Variants in C3 observed in about 807,000 individuals in gnomAD.
C3 encodes the protein C3 and PZP-like alpha-2-macroglobulin domain-containing protein 1.
A neutral mutation model predicts 207.9 loss-of-function variants in C3; 97 were observed. The observed-to-expected ratio is 0.47, with a 90% confidence interval of 0.40 to 0.55. The LOEUF (loss-of-function observed/expected upper bound fraction) is 0.55, where lower values mean the gene tolerates loss of function less well. Among genes scored for constraint, C3 ranks in the 20% least tolerant of loss-of-function variants. C3 has a pLI of 0.00. For synonymous variants in C3, 848 were observed against 857.6 expected (o/e 0.99, Z 0.20); for missense variants, 1,684 against 2,171.7 (o/e 0.78, Z 4.46).
At chr19:6,697,266 C>T in intron 21 of C3, 78 bp downstream of exon 21, 2 of 1,093,034 alleles carry the variant, frequency 1.8e-6, no homozygotes, top group Non-Finnish European at 2.8e-6. Flanking sequence ...GAGCCTGGAT[C>T]TCCAACCTGA....
At chr19:6,710,113 GT>G (rs1392987233) in intron 13 of C3, among the ~76,000 whole-genome samples, 1 of 146,242 alleles carries the variant, frequency 6.8e-6, no homozygotes, top group Non-Finnish European at 1.5e-5. Flanking sequence ...GAGAGGGAGA[GT>G]GAGGGGGGAG....
At chr19:6,687,791 T>C (rs927009862) in intron 27 of C3, among the ~76,000 whole-genome samples, 1 of 152,162 alleles carries the variant, frequency 6.6e-6, no homozygotes, top group Non-Finnish European at 1.5e-5. Flanking sequence ...TTGTGTTTAA[T>C]ATAATTTATT....
At chr19:6,718,455 C>T (rs1968091238) in intron 2 of C3, 43 bp from the exon 3 acceptor site, 2 of 1,610,304 alleles carry the variant, frequency 1.2e-6, no homozygotes, top group Middle Eastern at 1.6e-4. Context: ...TTCCAAGGCC[C>T]CATGCCCACG....
Position 6,718,232 on chromosome 19 carries a change from C to T in C3, c.433+15G>A. 5.6e-6 allele frequency: 9 copies of T among 1,614,144 alleles called. No individual in the cohort carries two copies. Among genetic ancestry groups the T allele is most frequent in the African/African-American group, 2.7e-5 (2 of 75,026 alleles). ...ACGCCGGTGCCCCGCCCTCTCCAGC[C>T]GCCCCCAGCCTCACCTGTGGAGCCA... On this transcript the variant is annotated intron_variant, in intron 3 of 40. Transcript: ENST00000245907.
At chr19:6,680,526 T>C (rs1489641233) in intron 35 of C3, among the ~76,000 whole-genome samples, 1 of 152,198 alleles carries the variant, frequency 6.6e-6, no homozygotes, top group African/African-American at 2.4e-5. Context: ...CACAATCTTA[T>C]TTCCATCTAG....
chr19:6,707,835 G>C lies in C3; in HGVS notation c.1940C>G (p.Thr647Arg). The C allele has an allele frequency of 6.2e-7, 1 of 1,613,828 alleles. No homozygotes were observed. The highest frequency in any genetic ancestry group is 8.5e-7 in the Non-Finnish European group (1 of 1,180,004). ...GVFSDAGLTF[T>R]SSSGQQTAQR... ...GGCGGTCTGCTGGCCACTGCTGCTC[G>C]TGAAGGTCAGCCCTGCGTCGGAGAA... is the stretch of plus-strand genomic sequence containing the variant. Residue 647 changes from threonine to arginine, a missense_variant, in exon 15 of 41, where the codon ACG (threonine) becomes AGG (arginine). By Grantham distance (71) the Thr-to-Arg change is moderately conservative. Coordinates refer to ENST00000245907, the MANE Select transcript of C3 (RefSeq NM_000064.4).
At chr19:6,687,784 T>C (rs116534745) in intron 27 of C3, among the ~76,000 whole-genome samples, 1,676 of 152,296 alleles carry the variant, frequency 0.011, 33 homozygotes, top group African/African-American at 0.038. Flanking sequence ...CTAACCTTTG[T>C]GTTTAATATA....
Position 6,683,446 on chromosome 19 carries a change from A to ATTTTTTTTTTTTT in C3, c.4172+929_4172+941dup, listed in dbSNP as rs770744810. The ATTTTTTTTTTTTT allele has an allele frequency of 7.5e-5, 7 of 93,430 alleles. 1 individual carries two copies. Among genetic ancestry groups the ATTTTTTTTTTTTT allele is most frequent in the Non-Finnish European group, 9.8e-5 (5 of 51,016 alleles). The allele number at this position is 93,430 out of a possible 1,614,324, so 5.8% of individuals were successfully genotyped here. On this transcript the variant is annotated intron_variant, in intron 33 of 40. Coordinates refer to ENST00000245907, the MANE Select transcript of C3 (RefSeq NM_000064.4). ...CTGTATCTTTATTTTGTTTTATTCT[A>ATTTTTTTTTTTTT]TTTTTTTTTTTTTTTTTTTTTTGAG...
chr19:6,679,004 C>T, intron 38 of C3, 121 bp downstream of exon 38: 2 of 777,768 alleles, frequency 2.6e-6, no homozygotes, highest in Admixed American at 3.9e-5. Context: ...TGCTCTCACA[C>T]ACACCACAGT....
chr19:6,712,849 C>T (rs1967948665), intron 9 of C3, among the ~76,000 whole-genome samples: 1 of 151,886 alleles, frequency 6.6e-6, no homozygotes, highest in African/African-American at 2.4e-5. Context: ...CCCCATCAGA[C>T]CGGACCCCAC....
chr19:6,711,678 T>A (rs7258241), intron 11 of C3, among the ~76,000 whole-genome samples: 26,381 of 152,076 alleles, frequency 0.17, 2,619 homozygotes, highest in East Asian at 0.32. Context: ...GAGGGGTAAG[T>A]GGGGTGCGCA....
intron 35 of C3, among the ~76,000 whole-genome samples, chr19:6,681,584 A>G (rs561545147): frequency 6.6e-6 from 1 of 152,132 alleles, no homozygotes; most frequent in South Asian, 2.1e-4. Context: ...AAATAGATCA[A>G]AGAAAGAAAC....
intron 11 of C3, 124 bp downstream of exon 11, chr19:6,712,133 G>T: frequency 7.8e-7 from 1 of 1,287,124 alleles, no homozygotes; most frequent in Admixed American, 1.8e-5. Flanking sequence ...CCTCTGCGCA[G>T]GAGAGAACCT....
At chr19:6,706,023 A>T (rs1967767617) in intron 17 of C3, among the ~76,000 whole-genome samples, 1 of 152,212 alleles carries the variant, frequency 6.6e-6, no homozygotes, top group South Asian at 2.1e-4. Flanking sequence ...CTTAAGACTT[A>T]TTTCACGTGA....
chr19:6,679,207 C>A lies in C3; in HGVS notation c.4548G>T (p.Glu1516Asp), dbSNP rs751135751. 1.2e-6 allele frequency: 2 copies of A among 1,613,954 alleles called. No homozygotes were observed. The highest frequency in any genetic ancestry group is 2.2e-5 in the East Asian group (1 of 44,884). Residue 1516 changes from glutamate to aspartate, a missense_variant and splice_region_variant, in exon 38 of 41, where the codon GAG becomes GAT. Glu to Asp is a conservative substitution (Grantham distance 45). Transcript: ENST00000245907. The stretch of plus-strand genomic sequence containing the variant: ...CATCCGACTTTTGTATGAAGCAATT[C>A]TCTGCAGGGTGGGGTGGAGACAGGG... The part of the protein sequence containing the change: ...CRDELCRCAE[E>D]NCFIQKSDDK...
Position 6,686,513 on chromosome 19 carries a change from C to T in C3, c.3647-226G>A, listed in dbSNP as rs344547. 1,110 of 712,662 alleles carry T rather than the reference C, an allele frequency of 1.6e-3. 11 individuals are homozygous for T. Among genetic ancestry groups the T allele is most frequent in the South Asian group, 8.3e-3 (514 of 61,624 alleles). The allele number at this position is 712,662 out of a possible 1,614,324, so 44.1% of individuals were successfully genotyped here. A position where few individuals can be genotyped will look rare whatever the true frequency, so the allele number is the denominator to read the frequency against. ...TAATACGCATTTGTTGAATAAATGA[C>T]GCAACAAACTTTCTCGTGTGGTTTA... is the stretch of plus-strand genomic sequence containing the variant. On this transcript the variant is annotated intron_variant, in intron 28 of 40. Coordinates refer to ENST00000245907, the MANE Select transcript of C3 (RefSeq NM_000064.4).
At position 6,680,094 on chromosome 19, in the gene C3, T is replaced by A. The variant is rs994053232; in HGVS notation, c.4456+64A>T. The A allele has an allele frequency of 5.7e-6, 5 of 881,336 alleles. No individual in the cohort carries two copies. In the South Asian group the frequency reaches 6.6e-5, roughly 12 times the overall value. The allele number at this position is 881,336 out of a possible 1,614,324, so 54.6% of individuals were successfully genotyped here. ...TTCATTCTCAGATCCCCACAATTCA[T>A]ATATACCTGGGACTCTCAGGCCCCT... On this transcript the variant is annotated intron_variant, in intron 36 of 40. Transcript: ENST00000245907.
intron 33 of C3, among the ~76,000 whole-genome samples, chr19:6,683,554 C>T (rs1917921105): frequency 6.7e-6 from 1 of 149,416 alleles, no homozygotes; most frequent in Non-Finnish European, 1.5e-5. Context: ...GGGTTCACGC[C>T]ATTCTTCTGC....
At chr19:6,711,337 CATT>C in intron 11 of C3, 141 bp from the exon 12 acceptor site, 1 of 715,018 alleles carries the variant, frequency 1.4e-6, no homozygotes, top group Non-Finnish European at 2.5e-6. Flanking sequence ...GAGATGGAAT[CATT>C]ATCCTGGATT....
Sources: gnomAD v4.1 joint callset for allele counts (sites outside exome capture counted in the v4.1 genomes callset) on GRCh38, gnomAD v4.1.1 for gene constraint, MANE v1.5 for transcripts, NCBI Gene and HGNC (gene_info 2026-07-23, HGNC 2026-07-21) for gene names.